The following ZNF324B variants were observed in gnomAD, a reference collection of about 807,000 sequenced individuals.
ZNF324B encodes zinc finger protein 324B.
Under a neutral mutation model 10.6 loss-of-function variants are expected in ZNF324B, and 7 were observed. The ratio of observed to expected loss-of-function variants is 0.66; its 90% CI spans 0.38 to 1.24. ZNF324B has a LOEUF of 1.24. Among genes scored for constraint, ZNF324B ranks in the 50% most tolerant of loss-of-function variants. The probability of loss-of-function intolerance (pLI) is 0.02; values close to 1 mark genes in which losing one functional copy is unlikely to be tolerated. For missense variants in ZNF324B, 640 were observed against 764.7 expected (o/e 0.84, Z 1.92); for synonymous variants, 316 against 321.0 (o/e 0.98, Z 0.17).
At chr19:58,421,380 A>T in the ZNF324B span, among the ~76,000 whole-genome samples, 5 of 152,116 alleles carry the variant, frequency 3.3e-5, no homozygotes, top group Admixed American at 1.3e-4. Flanking sequence ...TTTAGGGGGA[A>T]CGGAAGCCAA....
chr19:58,427,342 TC>T, the ZNF324B span, among the ~76,000 whole-genome samples: 1 of 44,228 alleles, frequency 2.3e-5, no homozygotes, highest in Non-Finnish European at 4.4e-5. Flanking sequence ...TTTCTTTCTT[TC>T]TCTTTCCTTT....
the ZNF324B span, among the ~76,000 whole-genome samples, chr19:58,438,408 T>G: frequency 1.3e-5 from 2 of 151,886 alleles, no homozygotes; most frequent in African/African-American, 2.4e-5. Flanking sequence ...AAAATCCAAC[T>G]CTTTATCTTC....
the ZNF324B span, chr19:58,433,268 G>A: frequency 9.1e-6 from 14 of 1,541,518 alleles, no homozygotes; most frequent in South Asian, 1.5e-4. Flanking sequence ...TCTGCTGCAT[G>A]AAGTTTGACT....
At chr19:58,439,890 C>G in the ZNF324B span, 17 of 1,490,048 alleles carry the variant, frequency 1.1e-5, no homozygotes, top group Admixed American at 1.6e-4. Context: ...GACGGTCGCA[C>G]TCAGGACCTG....
chr19:58,455,889 C>G lies in ZNF324B; in HGVS notation c.945C>G (p.Cys315Trp), dbSNP rs1276011792. 6.2e-7 allele frequency: 1 copy of G among 1,607,100 alleles called. No individual in the cohort carries two copies. Among genetic ancestry groups the G allele is most frequent in the South Asian group, 1.1e-5 (1 of 90,426 alleles). Residue 315 changes from cysteine (C) to tryptophan (W), a missense_variant, in exon 4 of 4, where the codon TGC becomes TGG. Cys to Trp is a radical substitution (Grantham distance 215). Around this residue, in one of 3 missense-constraint regions of ZNF324B, gnomAD observed 57 missense variants for 118.8 expected, o/e 0.48. Coordinates refer to ENST00000336614, the MANE Select transcript of ZNF324B (RefSeq NM_207395.3). The surrounding 1 kb of genome is among the most constrained non-coding windows in gnomAD (Gnocchi z 7.0). ...ACAGCGGCGAGACGCCCTACGCGTG[C>G]CCCGTGTGCGGCAAGGCCTTCCGGC... is the stretch of plus-strand genomic sequence containing the variant. Reference protein sequence around the residue: ...RIHSGETPYACPVCGKAFRHS... With the variant: ...RIHSGETPYAWPVCGKAFRHS...
intron 1 of ZNF324B, among the ~76,000 whole-genome samples, chr19:58,453,449 G>A (rs1280230827): frequency 6.6e-6 from 1 of 152,218 alleles, no homozygotes; most frequent in Non-Finnish European, 1.5e-5. Context: ...GCCCAGCCAG[G>A]GCTTGCTCTA....
chr19:58,427,866 C>A, the ZNF324B span, among the ~76,000 whole-genome samples: 20 of 152,164 alleles, frequency 1.3e-4, no homozygotes, highest in African/African-American at 4.8e-4. Context: ...GCTCTGATGA[C>A]GTGTCTACCC....
At chr19:58,432,369 C>T in the ZNF324B span, 2 of 507,396 alleles carry the variant, frequency 3.9e-6, no homozygotes, top group Middle Eastern at 3.2e-4. Flanking sequence ...TTCTGCACAC[C>T]CTCACCCTGC....
At chr19:58,420,159 C>T in the ZNF324B span, among the ~76,000 whole-genome samples, 1 of 152,006 alleles carries the variant, frequency 6.6e-6, no homozygotes, top group African/African-American at 2.4e-5. Flanking sequence ...TGGCTCACGC[C>T]TGTAATCCCA....
chr19:58,452,432 G>C (rs1479032626), intron 1 of ZNF324B: 1 of 152,116 alleles, frequency 6.6e-6, no homozygotes, highest in Non-Finnish European at 1.5e-5. Context: ...AGACATGCAG[G>C]GGTGTCGGCA....
the ZNF324B span, among the ~76,000 whole-genome samples, chr19:58,425,473 T>C: frequency 2.6e-4 from 32 of 124,344 alleles, no homozygotes; most frequent in East Asian, 3.9e-3. Flanking sequence ...CCTTCTTTCC[T>C]TTTTTTTTTT....
the ZNF324B span, among the ~76,000 whole-genome samples, chr19:58,436,095 C>A: frequency 6.6e-6 from 1 of 152,104 alleles, no homozygotes; most frequent in African/African-American, 2.4e-5. Context: ...CAGAAAAATA[C>A]ATAGTATTCT....
upstream of ZNF324B, among the ~76,000 whole-genome samples, chr19:58,447,785 AT>A (rs1480417845): frequency 6.6e-6 from 1 of 152,226 alleles, no homozygotes; most frequent in Non-Finnish European, 1.5e-5. Context: ...TGTAACTCTC[AT>A]AATTCCCACA....
chr19:58,422,435 G>T, the ZNF324B span, among the ~76,000 whole-genome samples: 338 of 152,206 alleles, frequency 2.2e-3, 2 homozygotes, highest in African/African-American at 7.8e-3. Context: ...AAAAGAAAAG[G>T]TATCCAAATT....
chr19:58,445,521 A>G, the ZNF324B span: 90,487 of 517,874 alleles, frequency 0.17, 8,558 homozygotes, highest in Non-Finnish European at 0.2. Flanking sequence ...TTTAGTATAA[A>G]AGAATTCACA....
At chr19:58,432,464 G>C in the ZNF324B span, 11 of 370,880 alleles carry the variant, frequency 3.0e-5, no homozygotes, top group Non-Finnish European at 4.3e-5. Context: ...CAAATCCCTG[G>C]TTATTACCTC....
the ZNF324B span, among the ~76,000 whole-genome samples, chr19:58,436,462 T>G: frequency 6.6e-6 from 1 of 151,756 alleles, no homozygotes; most frequent in African/African-American, 2.4e-5. Flanking sequence ...GTCAGGAGAT[T>G]GAGACCATCC....
chr19:58,451,468 C>T (rs1279734631), upstream of ZNF324B: 14 of 341,714 alleles, frequency 4.1e-5, no homozygotes, highest in African/African-American at 2.3e-5. Context: ...CCCAGCGCGG[C>T]GGCGCTTAGC....
the ZNF324B span, chr19:58,434,736 G>A: frequency 1.8e-3 from 2,853 of 1,614,176 alleles, 5 homozygotes; most frequent in Non-Finnish European, 2.1e-3. Flanking sequence ...TGCTGCACTC[G>A]AAGAGTTTCT....
Sources: gnomAD v4.1 joint callset for allele counts (sites outside exome capture counted in the v4.1 genomes callset) on GRCh38, gnomAD v4.1.1 for gene constraint, gnomAD v4.1.1 regional missense constraint, Gnocchi (gnomAD v3.1) non-coding constraint, MANE v1.5 for transcripts, NCBI Gene and HGNC (gene_info 2026-07-23, HGNC 2026-07-21) for gene names.